The following CTNNA3 variants were observed in gnomAD, a reference collection of about 807,000 sequenced individuals.
The protein encoded by CTNNA3 is catenin alpha-3.
A neutral mutation model predicts 95.7 loss-of-function variants in CTNNA3; 76 were observed. That is an observed-to-expected ratio of 0.79 (90% CI 0.66 to 0.96). The LOEUF is 0.96. Among genes scored for constraint, CTNNA3 ranks in the 40% least tolerant of loss-of-function variants. The pLI is 0.00. For missense variants in CTNNA3, 1,191 were observed against 1,089.8 expected (o/e 1.09, Z -1.31); for synonymous variants, 431 against 374.4 (o/e 1.15, Z -1.74).
At chr10:67,104,213 A>C (rs1219030322) in intron 7 of CTNNA3, among the ~76,000 whole-genome samples, 2 of 151,882 alleles carry the variant, frequency 1.3e-5, no homozygotes, top group African/African-American at 4.8e-5. Context: ...GACAAGGTGG[A>C]GAAAAACACC....
rs569625575 is a variant in CTNNA3, at chr10:66,879,668, A to T, written c.1048-104144T>A. On this transcript the variant is annotated intron_variant, in intron 7 of 17. Coordinates refer to ENST00000433211, the MANE Select transcript of CTNNA3 (RefSeq NM_013266.4). The stretch of plus-strand genomic sequence containing the variant: ...GGAATGCCAGCTGAATGACACAAAT[A>T]ATAGATAGAATGAGCATACAACAGA... 3.9e-5 allele frequency among the ~76,000 whole-genome samples: 6 copies of T among 152,232 alleles called. No individual in the cohort carries two copies. The East Asian group carries it at 1.2e-3, about 29-fold the overall frequency.
intron 11 of CTNNA3, among the ~76,000 whole-genome samples, chr10:66,453,924 A>G (rs2093479861): frequency 6.6e-6 from 1 of 152,212 alleles, no homozygotes; most frequent in Non-Finnish European, 1.5e-5. Context: ...GTTACCTTAC[A>G]TGGCAAAAAT....
chr10:66,263,237 T>G (rs959984562), intron 13 of CTNNA3, among the ~76,000 whole-genome samples: 1 of 151,966 alleles, frequency 6.6e-6, no homozygotes, highest in Admixed American at 6.6e-5. Context: ...CAAAAAAATC[T>G]AAAGAAAATA....
At chr10:67,309,740 A>G (rs572335965) in intron 5 of CTNNA3, among the ~76,000 whole-genome samples, 77 of 152,316 alleles carry the variant, frequency 5.1e-4, no homozygotes, top group African/African-American at 1.8e-3. Context: ...GTAGTTCTAA[A>G]TTAATCCAAG....
intron 1 of CTNNA3, among the ~76,000 whole-genome samples, chr10:67,706,208 A>T (rs973057419): frequency 1.6e-4 from 25 of 152,012 alleles, no homozygotes; most frequent in Non-Finnish European, 2.8e-4. Context: ...GCATACTTTG[A>T]GGTGTAGATT....
Position 66,905,881 on chromosome 10 carries a change from A to T in CTNNA3, c.1048-130357T>A, listed in dbSNP as rs191276667. ...TAATAGCTATAAAGATTCATTTATAAAAGATAAATAAATCCTACAGATCTG... is the reference window on the plus strand; with the variant it reads ...TAATAGCTATAAAGATTCATTTATATAAGATAAATAAATCCTACAGATCTG... On this transcript the variant is annotated intron_variant, in intron 7 of 17. Coordinates refer to ENST00000433211, the MANE Select transcript of CTNNA3 (RefSeq NM_013266.4). 2.0e-3 allele frequency among the ~76,000 whole-genome samples: 311 copies of T among 152,286 alleles called. 1 individual carries two copies. The highest frequency in any genetic ancestry group is 7.1e-3 in the African/African-American group (294 of 41,560).
chr10:66,692,528 A>G (rs929629714), intron 9 of CTNNA3, among the ~76,000 whole-genome samples: 11 of 152,166 alleles, frequency 7.2e-5, no homozygotes, highest in African/African-American at 2.7e-4. Flanking sequence ...ACCAAGTTGG[A>G]AAACACTCTG....
chr10:66,394,906 CAAAT>C (rs148310383), intron 11 of CTNNA3, among the ~76,000 whole-genome samples: 2,853 of 151,980 alleles, frequency 0.019, 93 homozygotes, highest in African/African-American at 0.066. Context: ...AAACCCTAAA[CAAAT>C]AAAGTACAAT....
chr10:67,539,369 T>C (rs1840588811), intron 4 of CTNNA3, 134 bp downstream of exon 4: 1 of 899,104 alleles, frequency 1.1e-6, no homozygotes, highest in East Asian at 2.7e-5. Context: ...CACAACCCAG[T>C]CTAGTCTGCT....
intron 5 of CTNNA3, among the ~76,000 whole-genome samples, chr10:67,445,436 C>CAAGAA (rs1048067115): frequency 6.6e-6 from 1 of 151,140 alleles, no homozygotes; most frequent in African/African-American, 2.4e-5. Context: ...ATAAGAAACA[C>CAAGAA]AAGAAAAGAA....
At chr10:67,612,970 C>T (rs1043418635) in intron 2 of CTNNA3, among the ~76,000 whole-genome samples, 1 of 152,166 alleles carries the variant, frequency 6.6e-6, no homozygotes, top group Non-Finnish European at 1.5e-5. Flanking sequence ...CCACTAGAGC[C>T]GTCTCTTGAA....
At chr10:66,337,414 A>C (rs1444797710) in intron 12 of CTNNA3, among the ~76,000 whole-genome samples, 3 of 152,068 alleles carry the variant, frequency 2.0e-5, no homozygotes, top group Non-Finnish European at 4.4e-5. Context: ...TGGCCACTTT[A>C]TACACATTAC....
At chr10:66,157,254 C>T (rs141184427) in intron 13 of CTNNA3, among the ~76,000 whole-genome samples, 154 of 152,078 alleles carry the variant, frequency 1.0e-3, no homozygotes, top group African/African-American at 3.6e-3. Context: ...TTTGCATCCT[C>T]ATAGCTTAGT....
chr10:66,627,830 T>C (rs1844992707), intron 9 of CTNNA3, among the ~76,000 whole-genome samples: 1 of 152,154 alleles, frequency 6.6e-6, no homozygotes, highest in Middle Eastern at 3.2e-3. Context: ...CAAGAGAACA[T>C]CTAATTCTTG....
intron 10 of CTNNA3, among the ~76,000 whole-genome samples, chr10:66,540,670 T>A (rs937469370): frequency 1.0e-5 from 1 of 98,066 alleles, no homozygotes; most frequent in Non-Finnish European, 2.0e-5. Flanking sequence ...TCTCCCTTTC[T>A]TCCTTTCTTC....
At chr10:66,863,496 T>C (rs1288094598) in intron 7 of CTNNA3, among the ~76,000 whole-genome samples, 2 of 152,024 alleles carry the variant, frequency 1.3e-5, no homozygotes, top group Non-Finnish European at 2.9e-5. Flanking sequence ...TGAAAGTCCA[T>C]ATATATTTGA....
chr10:66,400,871 T>C (rs968722846), intron 11 of CTNNA3, among the ~76,000 whole-genome samples: 1 of 152,106 alleles, frequency 6.6e-6, no homozygotes, highest in Non-Finnish European at 1.5e-5. Context: ...CTTACTAGTA[T>C]AATTGGGTGT....
intron 7 of CTNNA3, among the ~76,000 whole-genome samples, chr10:67,129,765 T>C (rs1859900115): frequency 6.6e-6 from 1 of 152,090 alleles, no homozygotes; most frequent in Admixed American, 6.6e-5. Flanking sequence ...GTAGAAAACC[T>C]TGGTTGAGAC....
At chr10:66,960,635 A>C (rs1849057145) in intron 7 of CTNNA3, among the ~76,000 whole-genome samples, 1 of 152,216 alleles carries the variant, frequency 6.6e-6, no homozygotes, top group African/African-American at 2.4e-5. Flanking sequence ...AACATATTCC[A>C]TCTTTGACAT....
Sources: allele counts gnomAD v4.1 joint callset (sites outside exome capture counted in the v4.1 genomes callset), GRCh38; gene constraint gnomAD v4.1.1; transcripts MANE v1.5; gene names NCBI Gene and HGNC (gene_info 2026-07-23, HGNC 2026-07-21).